Variants in ADAM10 observed in about 807,000 individuals in gnomAD.
ADAM10 encodes the protein ADAM metallopeptidase domain 10, also known as disintegrin and metalloproteinase domain-containing protein 10.
A neutral mutation model predicts 90.1 loss-of-function variants in ADAM10; 17 were observed. The ratio of observed to expected loss-of-function variants is 0.19; its 90% CI spans 0.13 to 0.28. The LOEUF is 0.28. ADAM10 is among the 10% of genes least tolerant of loss of function. ADAM10 has a pLI of 1.00. For synonymous variants in ADAM10, 310 were observed against 298.6 expected (o/e 1.04, Z -0.40); for missense variants, 610 against 914.3 (o/e 0.67, Z 4.29).
chr15:58,647,356 G>A (rs973402003), intron 5 of ADAM10, among the ~76,000 whole-genome samples: 1 of 141,738 alleles, frequency 7.1e-6, no homozygotes, highest in Non-Finnish European at 1.5e-5. Flanking sequence ...CGCCTCCCGG[G>A]TTCACGCCAT....
chr15:58,658,659 AT>A (rs1419327624), intron 5 of ADAM10, among the ~76,000 whole-genome samples: 5 of 151,938 alleles, frequency 3.3e-5, no homozygotes, highest in Non-Finnish European at 1.5e-5. Flanking sequence ...TTAATCTTTA[AT>A]TTTTCTTGGC....
chr15:58,627,132 A>G (rs1472986240), intron 10 of ADAM10, among the ~76,000 whole-genome samples: 1 of 152,150 alleles, frequency 6.6e-6, no homozygotes, highest in East Asian at 1.9e-4. Context: ...AATACTAAAG[A>G]TGAATCTCAA....
chr15:58,726,879 G>A (rs1192788165), intron 1 of ADAM10, among the ~76,000 whole-genome samples: 1 of 150,750 alleles, frequency 6.6e-6, no homozygotes, highest in Non-Finnish European at 1.5e-5. Flanking sequence ...CATCTCCGAA[G>A]GGGAGGGGAG....
chr15:58,745,780 T>C (rs780619640), intron 1 of ADAM10, among the ~76,000 whole-genome samples: 1 of 152,040 alleles, frequency 6.6e-6, no homozygotes, highest in African/African-American at 2.4e-5. Context: ...TCATTAGGAA[T>C]GATGGGGACT....
intron 11 of ADAM10, among the ~76,000 whole-genome samples, chr15:58,620,660 A>ATTTTTTTTTTTTTTTTTTTTTTT (rs570842513): frequency 3.4e-5 from 2 of 59,416 alleles, no homozygotes; most frequent in Non-Finnish European, 4.7e-5. Context: ...AAGAATATGT[A>ATTTTTTTTTTTTTTTTTTTTTTT]TTTTTTTTTT....
At chr15:58,641,523 T>C (rs1163319312) in intron 7 of ADAM10, among the ~76,000 whole-genome samples, 3 of 152,178 alleles carry the variant, frequency 2.0e-5, no homozygotes, top group Admixed American at 1.3e-4. Context: ...TTTTCCTGAA[T>C]GTGGGCAAGA....
At chr15:58,676,551 G>C (rs1897304788) in intron 4 of ADAM10, among the ~76,000 whole-genome samples, 1 of 152,036 alleles carries the variant, frequency 6.6e-6, no homozygotes, top group South Asian at 2.1e-4. Context: ...ACTAAGGGTA[G>C]CTTCCACATT....
At chr15:58,726,156 AAC>A (rs1178526696) in intron 1 of ADAM10, among the ~76,000 whole-genome samples, 1 of 152,238 alleles carries the variant, frequency 6.6e-6, no homozygotes, top group Non-Finnish European at 1.5e-5. Context: ...ACAGAGGAGA[AAC>A]ACAGTGTACA....
At chr15:58,697,452 C>T (rs1316811629) in intron 2 of ADAM10, among the ~76,000 whole-genome samples, 1 of 152,122 alleles carries the variant, frequency 6.6e-6, no homozygotes, top group Admixed American at 6.5e-5. Context: ...ACAGGTCTAC[C>T]CAGCCCCCTC....
Position 58,627,835 on chromosome 15 carries a change from G to C in ADAM10, c.1225C>G (p.Gln409Glu), listed in dbSNP as rs747864103. Residue 409 changes from glutamine (Q) to glutamate (E), a missense_variant, in exon 10 of 16, where the codon CAA becomes GAA. Physicochemically the swap from Gln to Glu is conservative, Grantham distance 29 (BLOSUM62 2). Coordinates refer to ENST00000260408, the MANE Select transcript of ADAM10 (RefSeq NM_001110.4). ...CTPGESKNLG[Q>E]KENGNYIMYA... ...ATGATGTAATTGCCATTTTCTTTTTGACCCAAATTCTTAGATTCTCCTGGT... is the reference window on the plus strand; with the variant it reads ...ATGATGTAATTGCCATTTTCTTTTTCACCCAAATTCTTAGATTCTCCTGGT... The C allele has an allele frequency of 1.2e-6, 2 of 1,613,488 alleles. No individual in the cohort carries two copies. The highest frequency in any genetic ancestry group is 1.7e-6 in the Non-Finnish European group (2 of 1,179,740).
At chr15:58,719,761 C>A (rs1328362589) in intron 1 of ADAM10, among the ~76,000 whole-genome samples, 1 of 152,130 alleles carries the variant, frequency 6.6e-6, no homozygotes, top group African/African-American at 2.4e-5. Flanking sequence ...CCACTACCTT[C>A]AATCATTAGT....
intron 3 of ADAM10, among the ~76,000 whole-genome samples, chr15:58,680,682 A>C (rs1246309461): frequency 7.2e-5 from 11 of 152,226 alleles, no homozygotes; most frequent in Admixed American, 4.6e-4. Context: ...GAATTTACCC[A>C]TTACGATTCT....
At chr15:58,696,216 G>A (rs1199144394) in intron 2 of ADAM10, among the ~76,000 whole-genome samples, 1 of 152,020 alleles carries the variant, frequency 6.6e-6, no homozygotes, top group Admixed American at 6.5e-5. Flanking sequence ...GAGCCCGGGA[G>A]GCAGAGGTTG....
chr15:58,737,597 C>T (rs1421118787), intron 1 of ADAM10, among the ~76,000 whole-genome samples: 2 of 152,152 alleles, frequency 1.3e-5, no homozygotes, highest in South Asian at 2.1e-4. Context: ...CATAGAGATG[C>T]TGTGAAGACC....
intron 10 of ADAM10, among the ~76,000 whole-genome samples, chr15:58,626,410 C>G (rs1895946371): frequency 6.6e-6 from 1 of 152,134 alleles, no homozygotes; most frequent in East Asian, 1.9e-4. Context: ...TGTTTAACCC[C>G]TCTTTCAGTG....
chr15:58,666,647 AT>A (rs1319325195), intron 4 of ADAM10, among the ~76,000 whole-genome samples: 3 of 152,046 alleles, frequency 2.0e-5, no homozygotes, highest in African/African-American at 7.2e-5. Context: ...CTCACTTACC[AT>A]TGGTTATTAA....
Position 58,633,318 on chromosome 15 carries a change from C to A in ADAM10, c.1054G>T (p.Asp352Tyr). 4 of 1,613,716 alleles carry A rather than the reference C, an allele frequency of 2.5e-6. No homozygotes were observed. Among genetic ancestry groups the A allele is most frequent in the Non-Finnish European group, 3.4e-6 (4 of 1,179,742 alleles). Residue 352 changes from aspartate (D) to tyrosine (Y), a missense_variant, in exon 9 of 16, where the codon GAT (aspartate) becomes TAT (tyrosine). Around this residue, in one of 4 missense-constraint regions of ADAM10, gnomAD observed 97 missense variants for 221.4 expected, o/e 0.44. Transcript: ENST00000260408. ...GTGTTTAAGGACTTCTTCTTACCAT[C>A]TGAATAGAGTTTACTTTTTTCACAT... Reference protein sequence around the residue: ...GICEKSKLYSDGKKKSLNTGI... With the variant: ...GICEKSKLYSYGKKKSLNTGI...
chr15:58,686,600 T>C, intron 2 of ADAM10: 1 of 1,031,608 alleles, frequency 9.7e-7, no homozygotes, highest in Non-Finnish European at 1.5e-6. Context: ...GGAACCCAGA[T>C]CCTGTGCTTT....
At chr15:58,746,228 G>A (rs1334217864) in intron 1 of ADAM10, among the ~76,000 whole-genome samples, 1 of 152,134 alleles carries the variant, frequency 6.6e-6, no homozygotes, top group African/African-American at 2.4e-5. Flanking sequence ...GTTGAAAAGT[G>A]AAACTCCTAA....
Sources: gnomAD v4.1 joint callset for allele counts (sites outside exome capture counted in the v4.1 genomes callset) on GRCh38, gnomAD v4.1.1 for gene constraint, gnomAD v4.1.1 regional missense constraint, MANE v1.5 for transcripts, NCBI Gene and HGNC (gene_info 2026-07-23, HGNC 2026-07-21) for gene names.